The following AJM1 variants were observed in gnomAD, a reference collection of about 807,000 sequenced individuals.
AJM1 encodes the protein uncharacterized protein C9orf172.
Under a neutral mutation model 43.0 loss-of-function variants are expected in AJM1, and 22 were observed. The observed-to-expected ratio is 0.51, with a 90% CI of 0.37 to 0.73. The LOEUF (loss-of-function observed/expected upper bound fraction) is 0.73. Among genes scored for constraint, AJM1 ranks in the 30% least tolerant of loss-of-function variants. The pLI, the probability that AJM1 is intolerant of heterozygous loss-of-function variation, is 0.00. For synonymous variants in AJM1, 719 were observed against 638.3 expected, an observed-to-expected ratio of 1.13 and a Z score of -1.91; for missense variants, 1,305 against 1,343.3, an observed-to-expected ratio of 0.97 and a Z score of 0.45.
chr9:136,846,781 G>C lies in AJM1; in HGVS notation c.2367G>C (p.Ala789=). ...CGCTGCGTGAGCTGGCCACACACGC[G>C]GCGCCCCTGGGCAGCTACGCGCGCG... ...YLSLRELATH[A]APLGSYAREL... Residue 789 remains alanine (A), a synonymous_variant, in exon 3 of 3, where the codon GCG becomes GCC. Transcript: ENST00000436881. 6.3e-6 allele frequency: 10 copies of C among 1,593,108 alleles called. No individual in the cohort carries two copies. The highest frequency in any genetic ancestry group is 8.5e-6 in the Non-Finnish European group (10 of 1,175,120).
At chr9:136,843,653 T>C (rs1284078687) in intron 1 of AJM1, among the ~76,000 whole-genome samples, 1 of 152,168 alleles carries the variant, frequency 6.6e-6, no homozygotes, top group African/African-American at 2.4e-5. Context: ...AGGGCCCGGG[T>C]ATGCTCTCTG....
In AJM1 at chr9:136,842,522, C is replaced by G. The variant is rs1316241013; in HGVS notation, c.-211C>G. ...TGCCCGTGCCGGGGACGCAGCAGTG[C>G]CGGGGACACAGAGGAGCCGACCTGG... On this transcript the variant is annotated 5_prime_UTR_variant, in exon 1 of 3. Coordinates refer to ENST00000436881, the MANE Select transcript of AJM1 (RefSeq NM_001080482.5). 1.3e-5 allele frequency among the ~76,000 whole-genome samples: 2 copies of G among 152,248 alleles called. No homozygotes were observed. The highest frequency in any genetic ancestry group is 4.8e-5 in the African/African-American group (2 of 41,464).
In AJM1 at chr9:136,846,189, G is replaced by C. The variant is rs1294283973; in HGVS notation, c.1775G>C (p.Arg592Pro). ...ATCACGGACCTGGTCATCGACTCGCGACCCACCGCCGGCCAGGCCTCAGAG... is the reference window on the plus strand; with the variant it reads ...ATCACGGACCTGGTCATCGACTCGCCACCCACCGCCGGCCAGGCCTCAGAG... Reference protein sequence around the residue: ...ELITDLVIDSRPTAGQASEPA... With the variant: ...ELITDLVIDSPPTAGQASEPA... Residue 592 changes from arginine to proline, a missense_variant, in exon 3 of 3, where the codon CGA (arginine) becomes CCA (proline). By Grantham distance (103) the Arg-to-Pro change is moderately radical. Coordinates refer to ENST00000436881, the MANE Select transcript of AJM1 (RefSeq NM_001080482.5). 2.0e-6 allele frequency: 3 copies of C among 1,512,118 alleles called. No homozygotes were observed. Among genetic ancestry groups the C allele is most frequent in the Non-Finnish European group, 2.6e-6 (3 of 1,137,892 alleles). 93.7% of individuals were successfully genotyped at this position (1,512,118 alleles called of 1,614,324 possible).
In AJM1 at chr9:136,847,203, C is replaced by T; in HGVS notation, c.2789C>T (p.Ala930Val). The T allele has an allele frequency of 1.2e-6, 2 of 1,605,708 alleles. No individual in the cohort carries two copies. ...GAGCAGCTTTGCGAGTTCGTCGAGGCCAACAGGCGCTTCACGCCCACCACC... is the reference window on the plus strand; with the variant it reads ...GAGCAGCTTTGCGAGTTCGTCGAGGTCAACAGGCGCTTCACGCCCACCACC... ...VYEQLCEFVEANRRFTPTTIY... is the reference protein window; with the variant it reads ...VYEQLCEFVEVNRRFTPTTIY... The change falls in exon 3 of 3, where the codon GCC becomes GTC. Residue 930 changes from alanine (A) to valine (V), a missense_variant. Ala to Val is a moderately conservative substitution (Grantham distance 64, BLOSUM62 0). Transcript: ENST00000436881.
chr9:136,846,417 C>G lies in AJM1; in HGVS notation c.2003C>G (p.Ala668Gly), dbSNP rs763958571. 6.3e-7 allele frequency: 1 copy of G among 1,590,734 alleles called. No homozygotes were observed. The highest frequency in any genetic ancestry group is 1.1e-5 in the South Asian group (1 of 90,362). Reference sequence around the variant, plus strand: ...GACGACCTGATGACCTGCTCCAATGCGCGCTGCCGGCGCACCGAGACCATG... The same window carrying G: ...GACGACCTGATGACCTGCTCCAATGGGCGCTGCCGGCGCACCGAGACCATG... The part of the protein sequence containing the change: ...DEDDLMTCSN[A>G]RCRRTETMFN... The change falls in exon 3 of 3, where the codon GCG becomes GGG. Residue 668 changes from alanine to glycine, a missense_variant. By Grantham distance (60) the Ala-to-Gly change is moderately conservative (BLOSUM62 0). Coordinates refer to ENST00000436881, the MANE Select transcript of AJM1 (RefSeq NM_001080482.5).
Position 136,846,406 on chromosome 9 carries a change from C to G in AJM1, c.1992C>G (p.Thr664=). ...GCGCCGACGAGGACGACCTGATGAC[C>G]TGCTCCAATGCGCGCTGCCGGCGCA... ...EPSADEDDLM[T]CSNARCRRTE... Residue 664 remains threonine, a synonymous_variant, in exon 3 of 3, where the codon ACC becomes ACG. Transcript: ENST00000436881. The G allele has an allele frequency of 6.3e-7, 1 of 1,584,848 alleles. No individual in the cohort carries two copies. Among genetic ancestry groups the G allele is most frequent in the Non-Finnish European group, 8.5e-7 (1 of 1,173,234 alleles).
rs1482446980 is a variant in AJM1 at position 136,845,985 on chromosome 9, G to A, written c.1571G>A (p.Gly524Asp). The change falls in exon 3 of 3, where the codon GGC becomes GAC. Residue 524 changes from glycine (G) to aspartate (D), a missense_variant. Gly to Asp is a moderately conservative substitution (Grantham distance 94, BLOSUM62 -1). Coordinates refer to ENST00000436881, the MANE Select transcript of AJM1 (RefSeq NM_001080482.5). ...TEKGRAGEGL[G>D]RNWYVTPEIT... ...AAGGGCCGCGCGGGCGAGGGCCTGG[G>A]CCGCAACTGGTACGTGACGCCCGAG... 2.6e-6 allele frequency: 4 copies of A among 1,553,252 alleles called. No individual in the cohort carries two copies. Among genetic ancestry groups the A allele is most frequent in the Non-Finnish European group, 1.7e-6 (2 of 1,149,946 alleles).
Position 136,847,437 on chromosome 9 carries a change from A to C in AJM1, c.*92A>C, listed in dbSNP as rs1848795024. 1 of 1,044,376 alleles carries C rather than the reference A, an allele frequency of 9.6e-7. No individual in the cohort carries two copies. Among genetic ancestry groups the C allele is most frequent in the African/African-American group, 1.8e-5 (1 of 55,368 alleles). The allele number at this position is 1,044,376 out of a possible 1,614,324, so 64.7% of individuals were successfully genotyped here. A position where few individuals can be genotyped will look rare whatever the true frequency, so the allele number is the denominator to read the frequency against. Reference sequence around the variant, plus strand: ...CCCGGCCCACCCAGGGCCGCCCCCGAGCCCCGCCAGGGCCCCACCCCGACT... The same window carrying C: ...CCCGGCCCACCCAGGGCCGCCCCCGCGCCCCGCCAGGGCCCCACCCCGACT... On this transcript the variant is annotated 3_prime_UTR_variant, in exon 3 of 3. Coordinates refer to ENST00000436881, the MANE Select transcript of AJM1 (RefSeq NM_001080482.5).
chr9:136,844,856 C>A lies in AJM1; in HGVS notation c.442C>A (p.Pro148Thr). ...CCGCGCCCTTGCCAACGAGCTGCATCCCATCAAGTTGCAGCCGCAGCGGGG... is the reference window on the plus strand; with the variant it reads ...CCGCGCCCTTGCCAACGAGCTGCATACCATCAAGTTGCAGCCGCAGCGGGG... ...ALRALANELH[P>T]IKLQPQRGGP... The change falls in exon 3 of 3, where the codon CCC becomes ACC. Residue 148 changes from proline (P) to threonine (T), a missense_variant. Coordinates refer to ENST00000436881, the MANE Select transcript of AJM1 (RefSeq NM_001080482.5). 4.3e-6 allele frequency: 1 copy of A among 234,528 alleles called. No individual in the cohort carries two copies. The highest frequency in any genetic ancestry group is 4.9e-5 in the Admixed American group (1 of 20,250). 14.5% of individuals were successfully genotyped at this position (234,528 alleles called of 1,614,324 possible).
Position 136,847,979 on chromosome 9 carries a change from G to A in AJM1, c.*634G>A, listed in dbSNP as rs1421960330. 4 of 152,302 alleles carry A rather than the reference G, an allele frequency of 2.6e-5. No individual in the cohort carries two copies. The highest frequency in any genetic ancestry group is 9.6e-5 in the African/African-American group (4 of 41,474). The allele number at this position is 152,302 out of a possible 1,614,324, so 9.4% of individuals were successfully genotyped here. A position where few individuals can be genotyped will look rare whatever the true frequency, so the allele number is the denominator to read the frequency against. ...GTGCGCGAGCGCGTCCCGCCGAGGCGGTGGGCAGGGCGGACGGTGCGCAGT... is the reference window on the plus strand; with the variant it reads ...GTGCGCGAGCGCGTCCCGCCGAGGCAGTGGGCAGGGCGGACGGTGCGCAGT... On this transcript the variant is annotated 3_prime_UTR_variant, in exon 3 of 3. Transcript: ENST00000436881.
At position 136,845,795 on chromosome 9, in the gene AJM1, G is replaced by T. The variant is rs746713977; in HGVS notation, c.1381G>T (p.Asp461Tyr). ...TCTGGCCCCGGGGCCGCGCCGAGAA[G>T]ACCCGTTGGGCCGCGGCCGCAGCTA... is the stretch of plus-strand genomic sequence containing the variant. ...NILAPGPRRE[D>Y]PLGRGRSYEN... The change falls in exon 3 of 3, where the codon GAC becomes TAC. Residue 461 changes from aspartate to tyrosine, a missense_variant. By Grantham distance (160) the Asp-to-Tyr change is radical. Coordinates refer to ENST00000436881, the MANE Select transcript of AJM1 (RefSeq NM_001080482.5). The T allele has an allele frequency of 6.4e-7, 1 of 1,571,382 alleles. No homozygotes were observed.
intron 1 of AJM1, among the ~76,000 whole-genome samples, chr9:136,843,646 G>T (rs1848731562): frequency 1.3e-5 from 2 of 152,236 alleles, no homozygotes; most frequent in African/African-American, 4.8e-5. Flanking sequence ...GAGATTTAGG[G>T]CCCGGGTATG....
rs2131219768 is a variant in AJM1 at position 136,847,533 on chromosome 9, GC to G, written c.*193del. ...CAGTTCGGCCTCCAGCTCCGCCCAG[GC>G]CCCCACCCCCCGGCCCTTCGTCCCC... On this transcript the variant is annotated 3_prime_UTR_variant, in exon 3 of 3. Transcript: ENST00000436881. 2 of 506,004 alleles carry G rather than the reference GC, an allele frequency of 4.0e-6. No individual in the cohort carries two copies. The highest frequency in any genetic ancestry group is 7.1e-5 in the East Asian group (2 of 28,256). The allele number at this position is 506,004 out of a possible 1,614,324, so 31.3% of individuals were successfully genotyped here.
At position 136,847,769 on chromosome 9, in the gene AJM1, T is replaced by G; in HGVS notation, c.*424T>G. On this transcript the variant is annotated 3_prime_UTR_variant, in exon 3 of 3. Coordinates refer to ENST00000436881, the MANE Select transcript of AJM1 (RefSeq NM_001080482.5). ...GTCACTACTGCACAGACCCCACCCG[T>G]AGAGATCCGGTCCCCGTCGGTCCGC... The G allele has an allele frequency of 5.9e-6, 1 of 168,192 alleles. No individual in the cohort carries two copies. The highest frequency in any genetic ancestry group is 1.3e-5 in the Non-Finnish European group (1 of 79,008). 10.4% of individuals were successfully genotyped at this position (168,192 alleles called of 1,614,324 possible). A position where few individuals can be genotyped will look rare whatever the true frequency, so the allele number is the denominator to read the frequency against.
chr9:136,847,383 CGA>C lies in AJM1; in HGVS notation c.*39_*40del. On this transcript the variant is annotated 3_prime_UTR_variant, in exon 3 of 3. Coordinates refer to ENST00000436881, the MANE Select transcript of AJM1 (RefSeq NM_001080482.5). ...ACCAGGCCTAGCCCAGGCGCTGGCCCGAACCCTGCCCTGCCCACTCAGGCCCC... is the reference window on the plus strand; with the variant it reads ...ACCAGGCCTAGCCCAGGCGCTGGCCCACCCTGCCCTGCCCACTCAGGCCCC... The C allele has an allele frequency of 7.0e-7, 1 of 1,431,520 alleles. No homozygotes were observed. Among genetic ancestry groups the C allele is most frequent in the South Asian group, 1.4e-5 (1 of 71,128 alleles). 88.7% of individuals were successfully genotyped at this position (1,431,520 alleles called of 1,614,324 possible).
rs1459102114 is a variant in AJM1, at chr9:136,845,811, G to A, written c.1397G>A (p.Gly466Asp). The A allele has an allele frequency of 2.6e-6, 4 of 1,567,462 alleles. No homozygotes were observed. Among genetic ancestry groups the A allele is most frequent in the Admixed American group, 1.8e-5 (1 of 54,662 alleles). ...CGCCGAGAAGACCCGTTGGGCCGCG[G>A]CCGCAGCTACGAGAACCTGCTGGGG... ...GPRREDPLGR[G>D]RSYENLLGRE... Residue 466 changes from glycine to aspartate, a missense_variant, in exon 3 of 3, where the codon GGC becomes GAC. Physicochemically the swap from Gly to Asp is moderately conservative, Grantham distance 94 (BLOSUM62 -1). Coordinates refer to ENST00000436881, the MANE Select transcript of AJM1 (RefSeq NM_001080482.5).
At chr9:136,842,978 C>T (rs1848723267) in intron 1 of AJM1, among the ~76,000 whole-genome samples, 1 of 144,354 alleles carries the variant, frequency 6.9e-6, no homozygotes, top group Non-Finnish European at 1.5e-5. Context: ...GGTAGACAGT[C>T]CTGCCACGGG....
rs1029446530 is a variant in AJM1, at chr9:136,847,545, C to G, written c.*200C>G. 3 of 493,652 alleles carry G rather than the reference C, an allele frequency of 6.1e-6. No homozygotes were observed. In the African/African-American group the frequency reaches 6.1e-5, roughly 10 times the overall value. 30.6% of individuals were successfully genotyped at this position (493,652 alleles called of 1,614,324 possible). ...CAGCTCCGCCCAGGCCCCCACCCCC[C>G]GGCCCTTCGTCCCCGTAGTGTTCCT... On this transcript the variant is annotated 3_prime_UTR_variant, in exon 3 of 3. Coordinates refer to ENST00000436881, the MANE Select transcript of AJM1 (RefSeq NM_001080482.5).
In AJM1 at chr9:136,845,992, C is replaced by T; in HGVS notation, c.1578C>T (p.Asn526=). 1 of 1,552,702 alleles carries T rather than the reference C, an allele frequency of 6.4e-7. No homozygotes were observed. Among genetic ancestry groups the T allele is most frequent in the Non-Finnish European group, 8.7e-7 (1 of 1,149,696 alleles). The change falls in exon 3 of 3, where the codon AAC becomes AAT. Residue 526 remains asparagine (N), a synonymous_variant. Transcript: ENST00000436881. ...KGRAGEGLGR[N]WYVTPEITIT... is the part of the protein sequence containing the mutation. ...GCGCGGGCGAGGGCCTGGGCCGCAA[C>T]TGGTACGTGACGCCCGAGATCACCA...
Sources: allele counts gnomAD v4.1 joint callset (sites outside exome capture counted in the v4.1 genomes callset), GRCh38; gene constraint gnomAD v4.1.1; transcripts MANE v1.5; gene names NCBI Gene and HGNC (gene_info 2026-07-23, HGNC 2026-07-21).